GABRG3: variants seen among roughly 807,000 people sequenced by gnomAD.
GABRG3 encodes the protein gamma-aminobutyric acid receptor subunit gamma-3.
In GABRG3, 25 loss-of-function variants were observed where a neutral mutation model predicts 48.8. That is an observed-to-expected ratio of 0.51 (90% CI 0.37 to 0.72). The LOEUF is 0.72. GABRG3 is among the 30% of genes least tolerant of loss of function. The pLI is 0.00. For missense variants in GABRG3, 394 were observed against 577.9 expected (o/e 0.68, Z 3.26); for synonymous variants, 227 against 217.6 (o/e 1.04, Z -0.38).
intron 3 of GABRG3, among the ~76,000 whole-genome samples, chr15:27,209,570 C>T (rs1248670638): frequency 6.6e-6 from 1 of 152,168 alleles, no homozygotes; most frequent in East Asian, 1.9e-4. Context: ...GGAAAGGCCC[C>T]AGTACCCAGC....
At chr15:27,365,516 A>G (rs1229299803) in intron 5 of GABRG3, 1 of 152,182 alleles carries the variant, frequency 6.6e-6, no homozygotes, top group Non-Finnish European at 1.5e-5. Context: ...GATTTTCTTG[A>G]TGTTTCCTCC....
chr15:27,003,781 A>G (rs1595466145), intron 2 of GABRG3, among the ~76,000 whole-genome samples: 1 of 150,076 alleles, frequency 6.7e-6, no homozygotes, highest in East Asian at 2.0e-4. Context: ...GGGGCTCCTC[A>G]CTTCCCAGTA....
chr15:27,458,869 T>C (rs570366847), intron 5 of GABRG3, among the ~76,000 whole-genome samples: 1 of 152,320 alleles, frequency 6.6e-6, no homozygotes, highest in Non-Finnish European at 1.5e-5. Context: ...GCCCTGGGCA[T>C]GTAGGAGTGG....
intron 2 of GABRG3, among the ~76,000 whole-genome samples, chr15:26,980,679 C>T (rs1306236143): frequency 1.2e-5 from 1 of 85,644 alleles, no homozygotes. Context: ...ACTCCTCTGT[C>T]TCAAAAAAAA....
At chr15:27,152,338 C>T (rs1165602530) in intron 3 of GABRG3, among the ~76,000 whole-genome samples, 2 of 152,082 alleles carry the variant, frequency 1.3e-5, no homozygotes, top group African/African-American at 4.8e-5. Flanking sequence ...TTTTATTTAT[C>T]TATTGTTTTC....
chr15:27,332,634 T>C (rs1893839979), intron 5 of GABRG3, among the ~76,000 whole-genome samples: 1 of 152,248 alleles, frequency 6.6e-6, no homozygotes, highest in Non-Finnish European at 1.5e-5. Flanking sequence ...AAATACACTC[T>C]GAAGCTGTAT....
At chr15:27,162,793 A>G (rs1014474400) in intron 3 of GABRG3, among the ~76,000 whole-genome samples, 1 of 152,162 alleles carries the variant, frequency 6.6e-6, no homozygotes, top group Non-Finnish European at 1.5e-5. Context: ...CACAGTTGGG[A>G]TAAGGGACCA....
rs1036738954 is a variant in GABRG3, at chr15:27,288,917, C to T, written c.271-37892C>T. Among the ~76,000 whole-genome samples, 3 of 152,140 alleles carry T rather than the reference C, an allele frequency of 2.0e-5. No individual in the cohort carries two copies. The South Asian group carries it at 6.2e-4, about 31-fold the overall frequency. On this transcript the variant is annotated intron_variant, in intron 3 of 9. Coordinates refer to ENST00000615808, the MANE Select transcript of GABRG3 (RefSeq NM_033223.5). Reference sequence around the variant, plus strand: ...TCTTCTCTGAAAGGCCTTTGTTTTACACTAACTTTAGAAGGATGTATTCAC... The same window carrying T: ...TCTTCTCTGAAAGGCCTTTGTTTTATACTAACTTTAGAAGGATGTATTCAC...
At chr15:27,365,285 T>A (rs1246786536) in intron 5 of GABRG3, 1 of 144,450 alleles carries the variant, frequency 6.9e-6, no homozygotes, top group African/African-American at 2.6e-5. Context: ...CATTTATAGC[T>A]AAGACACACA....
intron 2 of GABRG3, among the ~76,000 whole-genome samples, chr15:27,020,716 C>G (rs1322042164): frequency 6.6e-6 from 1 of 152,166 alleles, no homozygotes; most frequent in Non-Finnish European, 1.5e-5. Flanking sequence ...CGCGCCCGGC[C>G]TGTTGTTTTC....
At chr15:27,506,035 A>G (rs1443896537) in intron 6 of GABRG3, among the ~76,000 whole-genome samples, 1 of 152,166 alleles carries the variant, frequency 6.6e-6, no homozygotes, top group Non-Finnish European at 1.5e-5. Context: ...TTATTGGCAT[A>G]GTGTTATGCA....
chr15:27,358,908 C>G (rs1337909676), intron 5 of GABRG3, among the ~76,000 whole-genome samples: 1 of 152,164 alleles, frequency 6.6e-6, no homozygotes, highest in Non-Finnish European at 1.5e-5. Flanking sequence ...CAGTGGGCCC[C>G]GGCAGTGCAG....
intron 5 of GABRG3, among the ~76,000 whole-genome samples, chr15:27,420,448 A>G (rs568568348): frequency 3.7e-4 from 56 of 152,296 alleles, no homozygotes; most frequent in African/African-American, 1.3e-3. Flanking sequence ...GTTATGCGAG[A>G]TGAGTACGTT....
Position 27,179,855 on chromosome 15 carries a change from C to T in GABRG3, c.271-146954C>T, listed in dbSNP as rs17671946. On this transcript the variant is annotated intron_variant, in intron 3 of 9. Coordinates refer to ENST00000615808, the MANE Select transcript of GABRG3 (RefSeq NM_033223.5). The surrounding 1 kb of genome is among the most constrained non-coding windows in gnomAD (Gnocchi z 4.0). ...CGTAGAAGAGAGACAGTGGGGTCCT[C>T]TTAGGCCTTGTGTGCATAAAATAAG... Among the ~76,000 whole-genome samples, 36,934 of 152,078 alleles carry T rather than the reference C, an allele frequency of 0.24. 4,578 individuals are homozygous for T. Among genetic ancestry groups the T allele is most frequent in the East Asian group, 0.35 (1,804 of 5,154 alleles).
At chr15:27,283,275 G>C (rs1029294932) in intron 3 of GABRG3, among the ~76,000 whole-genome samples, 4 of 152,130 alleles carry the variant, frequency 2.6e-5, no homozygotes, top group Non-Finnish European at 5.9e-5. Context: ...ATTTTCTTCT[G>C]GTATTTTGAT....
chr15:26,999,204 G>A (rs953826648), intron 2 of GABRG3, among the ~76,000 whole-genome samples: 6 of 151,720 alleles, frequency 4.0e-5, no homozygotes, highest in African/African-American at 1.2e-4. Flanking sequence ...ATAGAATGTA[G>A]TGACTATTTA....
chr15:27,305,533 CTA>C lies in GABRG3; in HGVS notation c.271-21274_271-21273del, dbSNP rs571850763. On this transcript the variant is annotated intron_variant, in intron 3 of 9. Coordinates refer to ENST00000615808, the MANE Select transcript of GABRG3 (RefSeq NM_033223.5). ...ATATAAACATATATATAATATAAAC[CTA>C]TGTTTATATATAAACATAATATAAA... Among the ~76,000 whole-genome samples the C allele has an allele frequency of 8.4e-3, 1,180 of 140,552 alleles. 15 individuals are homozygous for C. The highest frequency in any genetic ancestry group is 0.026 in the African/African-American group (1,004 of 38,744). 92.2% of individuals were successfully genotyped at this position (140,552 alleles called of 152,430 possible).
chr15:27,163,768 T>G (rs1341971939), intron 3 of GABRG3, among the ~76,000 whole-genome samples: 1 of 152,218 alleles, frequency 6.6e-6, no homozygotes, highest in African/African-American at 2.4e-5. Context: ...CCAAAACTTT[T>G]GTGAACTTAT....
intron 3 of GABRG3, among the ~76,000 whole-genome samples, chr15:27,209,339 TTTC>T (rs1419258919): frequency 6.9e-6 from 1 of 145,588 alleles, no homozygotes; most frequent in Non-Finnish European, 1.5e-5. Flanking sequence ...TCTTTCTTTC[TTTC>T]TTTCTTTCCT....
Sources: gnomAD v4.1 joint callset for allele counts (sites outside exome capture counted in the v4.1 genomes callset) on GRCh38, gnomAD v4.1.1 for gene constraint, Gnocchi (gnomAD v3.1) non-coding constraint, MANE v1.5 for transcripts, NCBI Gene and HGNC (gene_info 2026-07-23, HGNC 2026-07-21) for gene names.